The following ABL2 variants were observed in gnomAD, a reference collection of about 807,000 sequenced individuals.
ABL2 encodes the protein tyrosine-protein kinase ABL2.
ABL2 carries 49 observed loss-of-function variants against 107.7 expected under a neutral mutation model. The observed-to-expected ratio is 0.45, with a 90% confidence interval of 0.36 to 0.58. The LOEUF is 0.58. Among genes scored for constraint, ABL2 ranks in the 20% least tolerant of loss-of-function variants. The pLI, the probability that ABL2 is intolerant of heterozygous loss-of-function variation, is 0.00. For missense variants in ABL2, 1,245 were observed against 1,457.0 expected (o/e 0.85, Z 2.37); for synonymous variants, 549 against 548.6 (o/e 1.00, Z -0.01).
chr1:179,122,195 T>A (rs1323494700), intron 4 of ABL2, among the ~76,000 whole-genome samples: 3 of 149,354 alleles, frequency 2.0e-5, no homozygotes, highest in Admixed American at 6.8e-5. Flanking sequence ...ATTACAAGCA[T>A]GAGCCACCGC....
chr1:179,133,255 C>T, intron 2 of ABL2, 57 bp downstream of exon 2: 2 of 1,608,010 alleles, frequency 1.2e-6, no homozygotes, highest in Non-Finnish European at 8.5e-7. Flanking sequence ...ATTCCCTGTT[C>T]TCCATCTCTA....
chr1:179,114,353 AGCCGAAATCACGTCAC>A (rs1386255059), intron 9 of ABL2, among the ~76,000 whole-genome samples: 4 of 19,732 alleles, frequency 2.0e-4, no homozygotes, highest in Non-Finnish European at 4.2e-4. Context: ...GGTTTCAGTG[AGCCGAAATCACGTCAC>A]TGAGCCGAAA....
chr1:179,150,683 C>G (rs889528780), intron 1 of ABL2, among the ~76,000 whole-genome samples: 1 of 152,178 alleles, frequency 6.6e-6, no homozygotes, highest in Non-Finnish European at 1.5e-5. Flanking sequence ...ATTACATAAA[C>G]TTAGTTTGCA....
chr1:179,213,046 CAA>C (rs368969682), intron 1 of ABL2, among the ~76,000 whole-genome samples: 153 of 81,244 alleles, frequency 1.9e-3, no homozygotes, highest in Non-Finnish European at 3.2e-3. Flanking sequence ...AACTCCGTCT[CAA>C]AAAAAAAAAA....
At chr1:179,178,920 A>G (rs142450544) in intron 1 of ABL2, among the ~76,000 whole-genome samples, 1 of 152,176 alleles carries the variant, frequency 6.6e-6, no homozygotes, top group Non-Finnish European at 1.5e-5. Context: ...AAGGAAGAAC[A>G]TCTAAAATAA....
At chr1:179,191,413 C>CTTTTTTTT (rs35362624) in intron 1 of ABL2, among the ~76,000 whole-genome samples, 15 of 77,166 alleles carry the variant, frequency 1.9e-4, no homozygotes, top group South Asian at 5.8e-4. Flanking sequence ...TATGAAATCC[C>CTTTTTTTT]TTTTTTTTTT....
At chr1:179,110,946 C>A in intron 10 of ABL2, 3 of 1,382,544 alleles carry the variant, frequency 2.2e-6, no homozygotes, top group Non-Finnish European at 3.0e-6. Context: ...GGTTACTCTG[C>A]ATGCTTGCTA....
At chr1:179,216,377 C>G (rs1662564765) in intron 1 of ABL2, among the ~76,000 whole-genome samples, 1 of 152,166 alleles carries the variant, frequency 6.6e-6, no homozygotes, top group South Asian at 2.1e-4. Flanking sequence ...ATTATGCACT[C>G]AATCCAAAAA....
rs527297660 is a variant in ABL2 at position 179,178,771 on chromosome 1, C to T, written c.158-45397G>A. Among the ~76,000 whole-genome samples, 8 of 151,962 alleles carry T rather than the reference C, an allele frequency of 5.3e-5. No homozygotes were observed. In the South Asian group the frequency reaches 1.7e-3, roughly 32 times the overall value. ...TGAGTGTGGTGGGCTGGGGGGGGTG[C>T]CTGTAATCCCAGCTACTCGGGAGGC... On this transcript the variant is annotated intron_variant, in intron 1 of 11. Transcript: ENST00000502732.
intron 4 of ABL2, 57 bp from the exon 5 acceptor site, chr1:179,121,924 T>TTTA (rs1655244613): frequency 7.5e-7 from 1 of 1,328,128 alleles, no homozygotes; most frequent in African/African-American, 1.6e-5. Flanking sequence ...AATTTTTTTT[T>TTTA]TTTTTTTTTT....
chr1:179,193,106 T>C lies in ABL2; in HGVS notation c.157+36135A>G, dbSNP rs149689143. On this transcript the variant is annotated intron_variant, in intron 1 of 11. Coordinates refer to ENST00000502732, the MANE Select transcript of ABL2 (RefSeq NM_007314.4). ...GAAAATTATACAAACTCACACCAAA[T>C]ATCAGCCTTTCTGAATTTCCAAAAA... Among the ~76,000 whole-genome samples, 415 of 152,042 alleles carry C rather than the reference T, an allele frequency of 2.7e-3. 1 individual carries two copies. Among genetic ancestry groups the C allele is most frequent in the African/African-American group, 9.0e-3 (374 of 41,480 alleles).
chr1:179,206,861 T>A lies in ABL2; in HGVS notation c.157+22380A>T, dbSNP rs1019215057. Among the ~76,000 whole-genome samples, 11 of 152,268 alleles carry A rather than the reference T, an allele frequency of 7.2e-5. 1 individual carries two copies. The highest frequency in any genetic ancestry group is 7.2e-4 in the Admixed American group (11 of 15,292). Reference sequence around the variant, plus strand: ...CGAAAGGATAGATTGAGAATTCTCTTGATAAAGGAGCTGAGCAGCCATTAC... The same window carrying A: ...CGAAAGGATAGATTGAGAATTCTCTAGATAAAGGAGCTGAGCAGCCATTAC... On this transcript the variant is annotated intron_variant, in intron 1 of 11. Transcript: ENST00000502732.
chr1:179,189,635 T>A (rs1019337129), intron 1 of ABL2, among the ~76,000 whole-genome samples: 3 of 152,106 alleles, frequency 2.0e-5, no homozygotes, highest in Admixed American at 6.5e-5. Flanking sequence ...AGTCTGAGGA[T>A]AGAAAAAACA....
intron 10 of ABL2, 136 bp downstream of exon 10, chr1:179,112,173 T>A (rs142552700): frequency 1.1e-4 from 74 of 655,158 alleles, no homozygotes; most frequent in Non-Finnish European, 1.8e-4. Context: ...TCTGATGCAA[T>A]GTCCTTGTAG....
At position 179,229,222 on chromosome 1, in the gene ABL2, G is replaced by A. The variant is rs1306902057; in HGVS notation, c.157+19C>T. ...CCGGCCTCCCCCACGCTCTCATGCC[G>A]GCTCCCAGACACACTCACCATGCTG... On this transcript the variant is annotated intron_variant, in intron 1 of 11. Transcript: ENST00000502732. 2.6e-6 allele frequency: 3 copies of A among 1,174,912 alleles called. No individual in the cohort carries two copies. The highest frequency in any genetic ancestry group is 3.2e-6 in the Non-Finnish European group (3 of 930,166). The allele number at this position is 1,174,912 out of a possible 1,614,324, so 72.8% of individuals were successfully genotyped here. A position where few individuals can be genotyped will look rare whatever the true frequency, so the allele number is the denominator to read the frequency against.
rs1475990141 is a variant in ABL2 at position 179,121,785 on chromosome 1, G to C, written c.770C>G (p.Thr257Arg). The change falls in exon 5 of 12, where the codon ACA (threonine) becomes AGA (arginine). Residue 257 changes from threonine to arginine, a missense_variant. By Grantham distance (71) the Thr-to-Arg change is moderately conservative (BLOSUM62 -1). Transcript: ENST00000502732. ...HHSTVADGLV[T>R]TLHYPAPKCN... is the part of the protein sequence containing the mutation. ...CTTGGGTGCTGGGTAGTGTAATGTTGTCACCAGCCCATCAGCCACTGTGGA... is the reference window on the plus strand; with the variant it reads ...CTTGGGTGCTGGGTAGTGTAATGTTCTCACCAGCCCATCAGCCACTGTGGA... The C allele has an allele frequency of 6.2e-7, 1 of 1,613,974 alleles. No homozygotes were observed. The highest frequency in any genetic ancestry group is 8.5e-7 in the Non-Finnish European group (1 of 1,180,030).
chr1:179,173,219 A>G (rs1346958722), intron 1 of ABL2, among the ~76,000 whole-genome samples: 2 of 151,834 alleles, frequency 1.3e-5, no homozygotes, highest in East Asian at 3.9e-4. Flanking sequence ...ACAGAAAAAA[A>G]ACGTAAGTTA....
At chr1:179,179,649 G>A (rs1660256301) in intron 1 of ABL2, among the ~76,000 whole-genome samples, 1 of 152,202 alleles carries the variant, frequency 6.6e-6, no homozygotes, top group Admixed American at 6.6e-5. Flanking sequence ...GAGCAAGAGT[G>A]TCTACTAGGA....
chr1:179,199,472 T>C (rs953989977), intron 1 of ABL2, among the ~76,000 whole-genome samples: 1 of 151,230 alleles, frequency 6.6e-6, no homozygotes, highest in African/African-American at 2.4e-5. Flanking sequence ...ACACAAACTT[T>C]ACCTTCTCTC....
Sources: gnomAD v4.1 joint callset for allele counts (sites outside exome capture counted in the v4.1 genomes callset) on GRCh38, gnomAD v4.1.1 for gene constraint, MANE v1.5 for transcripts, NCBI Gene and HGNC (gene_info 2026-07-23, HGNC 2026-07-21) for gene names.